Variants in MUC7 observed in about 807,000 individuals in gnomAD.
MUC7 encodes mucin 7, secreted.
In MUC7, 2 loss-of-function variants were observed where a neutral mutation model predicts 2.5. That is an observed-to-expected ratio of 0.81 (90% CI 0.33 to 2.55). MUC7 has a LOEUF of 2.55. Ranked by LOEUF, MUC7 falls within the 30% of genes most tolerant of loss-of-function variation. MUC7 has a pLI of 0.11. For synonymous variants in MUC7, 133 were observed against 173.4 expected (o/e 0.77, Z 1.83); for missense variants, 408 against 455.6 (o/e 0.90, Z 0.95).
At chr4:70,439,921 T>C (rs1733959603) in intron 1 of MUC7, among the ~76,000 whole-genome samples, 1 of 152,090 alleles carries the variant, frequency 6.6e-6, no homozygotes, top group South Asian at 2.1e-4. Context: ...AGAGTTTATC[T>C]TCACAACAAA....
At chr4:70,479,990 T>C (rs1371441193) in intron 2 of MUC7, among the ~76,000 whole-genome samples, 1 of 152,212 alleles carries the variant, frequency 6.6e-6, no homozygotes, top group African/African-American at 2.4e-5. Flanking sequence ...ATGCATAGAC[T>C]AGAAAGCCTT....
intron 1 of MUC7, among the ~76,000 whole-genome samples, chr4:70,466,667 T>C (rs1734692176): frequency 1.3e-5 from 2 of 151,468 alleles, no homozygotes; most frequent in African/African-American, 4.8e-5. Context: ...GACAACAGCA[T>C]TACATAATGG....
At chr4:70,474,795 G>A (rs1298561495) in intron 2 of MUC7, among the ~76,000 whole-genome samples, 2 of 152,092 alleles carry the variant, frequency 1.3e-5, no homozygotes, top group African/African-American at 4.8e-5. Context: ...GGATTCTCAG[G>A]AGAAGATAGG....
chr4:70,463,199 C>CA (rs11408724), intron 1 of MUC7, among the ~76,000 whole-genome samples: 52,823 of 151,324 alleles, frequency 0.35, 9,848 homozygotes, highest in Admixed American at 0.43. Context: ...CTTCAAACCA[C>CA]AAAAAAAAAT....
chr4:70,470,797 T>G (rs531029192), upstream of MUC7, among the ~76,000 whole-genome samples: 28 of 152,232 alleles, frequency 1.8e-4, no homozygotes, highest in South Asian at 8.3e-4. Context: ...ATTAATATTA[T>G]AGCCCATATT....
At chr4:70,453,253 G>A (rs4413470) in intron 1 of MUC7, among the ~76,000 whole-genome samples, 122,526 of 152,224 alleles carry the variant, frequency 0.8, 49,811 homozygotes, top group Middle Eastern at 0.88. Context: ...GTCCAGAGCT[G>A]TAGTCCAGGA....
intron 1 of MUC7, among the ~76,000 whole-genome samples, chr4:70,449,479 G>C (rs775562570): frequency 2.0e-5 from 3 of 152,170 alleles, no homozygotes; most frequent in Non-Finnish European, 2.9e-5. Flanking sequence ...CTCCCACTGA[G>C]TCCCTCCCAC....
chr4:70,447,260 C>A (rs62322547), intron 1 of MUC7, among the ~76,000 whole-genome samples: 2 of 152,096 alleles, frequency 1.3e-5, no homozygotes, highest in Admixed American at 6.6e-5. Context: ...ATGGGGATAA[C>A]AATGATGTCT....
intron 1 of MUC7, among the ~76,000 whole-genome samples, chr4:70,437,452 C>G (rs1733876200): frequency 6.6e-6 from 1 of 152,244 alleles, no homozygotes; most frequent in Non-Finnish European, 1.5e-5. Context: ...CCCCGCCACG[C>G]TGTAGCGTCC....
At chr4:70,460,469 T>C (rs1156562544) in intron 1 of MUC7, among the ~76,000 whole-genome samples, 4 of 50,208 alleles carry the variant, frequency 8.0e-5, no homozygotes, top group Middle Eastern at 0.014. Context: ...TATGAAAAAT[T>C]CTTTTTTTTT....
At chr4:70,439,495 GT>G (rs1733949503) in intron 1 of MUC7, among the ~76,000 whole-genome samples, 1 of 152,134 alleles carries the variant, frequency 6.6e-6, no homozygotes, top group South Asian at 2.1e-4. Context: ...GAGAGGTTAG[GT>G]AGTAATGGAG....
chr4:70,459,295 T>C (rs763525853), intron 1 of MUC7, among the ~76,000 whole-genome samples: 3 of 151,992 alleles, frequency 2.0e-5, no homozygotes, highest in Non-Finnish European at 2.9e-5. Context: ...ATGGATGAAA[T>C]TGGAAAACAT....
At position 70,461,933 on chromosome 4, in the gene MUC7, C is replaced by T. The variant is rs183676554; in HGVS notation, c.-92-10282C>T. ...AAAAAGAAAGGTTGACAAGCTGGGC[C>T]GACCATAGTGGCCCATGCCAGTAAC... On this transcript the variant is annotated intron_variant, in intron 1 of 3. Coordinates refer to the MUC7 transcript ENST00000413702. 2.9e-3 allele frequency among the ~76,000 whole-genome samples: 443 copies of T among 152,290 alleles called. 1 individual carries two copies. The highest frequency in any genetic ancestry group is 2.9e-3 in the Non-Finnish European group (194 of 68,020).
At position 70,482,900 on chromosome 4, in the gene MUC7, A is replaced by T; in HGVS notation, c.*1022A>T. 6.6e-6 allele frequency: 1 copy of T among 152,334 alleles called. No homozygotes were observed. 9.4% of individuals were successfully genotyped at this position (152,334 alleles called of 1,614,324 possible). ...TGGTATACGGAGATGTTAATTTGGG[A>T]TATGGAGGCATTTTTATCTTCTGTC... On this transcript the variant is annotated 3_prime_UTR_variant, in exon 3 of 3. Coordinates refer to ENST00000304887, the MANE Select transcript of MUC7 (RefSeq NM_152291.3).
At position 70,474,017 on chromosome 4, in the gene MUC7, A is replaced by G. The variant is rs1262481913; in HGVS notation, c.-5A>G. Reference sequence around the variant, plus strand: ...TTCTGCTTTTCCCAGGAGACATCAGAAAGAATGAAAACTCTGCCGCTGTTT... The same window carrying G: ...TTCTGCTTTTCCCAGGAGACATCAGGAAGAATGAAAACTCTGCCGCTGTTT... On this transcript the variant is annotated 5_prime_UTR_variant, in exon 2 of 3. Transcript: ENST00000304887. The G allele has an allele frequency of 1.2e-6, 2 of 1,611,964 alleles. No homozygotes were observed. The highest frequency in any genetic ancestry group is 1.7e-5 in the Admixed American group (1 of 59,966).
intron 2 of MUC7, among the ~76,000 whole-genome samples, chr4:70,474,658 G>A (rs955451188): frequency 2.6e-5 from 4 of 152,140 alleles, no homozygotes; most frequent in African/African-American, 9.7e-5. Context: ...TATAGTGAGT[G>A]TGATGAGAAC....
In MUC7 at chr4:70,481,749, T is replaced by C. The variant is rs575035276; in HGVS notation, c.1005T>C (p.Thr335=). Reference sequence around the variant, plus strand: ...CTGCACCCACACACCAGACTACTACTTCGGTCACTACTCAAACTACTACTA... The same window carrying C: ...CTGCACCCACACACCAGACTACTACCTCGGTCACTACTCAAACTACTACTA... ...TSAAPTHQTT[T]SVTTQTTTTK... is the part of the protein sequence containing the mutation. The change falls in exon 3 of 3, where the codon ACT becomes ACC. Residue 335 remains threonine, a synonymous_variant. Transcript: ENST00000304887. 1.2e-6 allele frequency: 2 copies of C among 1,614,208 alleles called. No homozygotes were observed. Among genetic ancestry groups the C allele is most frequent in the Admixed American group, 1.7e-5 (1 of 60,026 alleles).
At chr4:70,463,971 T>C (rs1181997867) in intron 1 of MUC7, among the ~76,000 whole-genome samples, 2 of 152,124 alleles carry the variant, frequency 1.3e-5, no homozygotes, top group Admixed American at 1.3e-4. Flanking sequence ...AATAGCCAAA[T>C]AGGAACAGCT....
chr4:70,458,059 G>A (rs59424727), intron 1 of MUC7, among the ~76,000 whole-genome samples: 5,057 of 152,030 alleles, frequency 0.033, 244 homozygotes, highest in African/African-American at 0.1. Flanking sequence ...TAATCTCTCC[G>A]ATGAATATAG....
Sources: gnomAD v4.1 joint callset for allele counts (sites outside exome capture counted in the v4.1 genomes callset) on GRCh38, gnomAD v4.1.1 for gene constraint, MANE v1.5 for transcripts, NCBI Gene and HGNC (gene_info 2026-07-23, HGNC 2026-07-21) for gene names.